TPM1: variants seen among roughly 807,000 people sequenced by gnomAD.
The protein encoded by TPM1 is tropomyosin alpha-1 chain.
In TPM1, 24 loss-of-function variants were observed where a neutral mutation model predicts 42.9. The ratio of observed to expected loss-of-function variants is 0.56; its 90% CI spans 0.41 to 0.79. TPM1 has a LOEUF of 0.79. Ranked by LOEUF, TPM1 falls within the 30% of genes least tolerant of loss-of-function variation. The pLI is 0.00. For missense variants in TPM1, 158 were observed against 351.8 expected, an observed-to-expected ratio of 0.45 and a Z score of 4.41; for synonymous variants, 136 against 130.1, an observed-to-expected ratio of 1.05 and a Z score of -0.31.
In TPM1 at chr15:63,066,002, C is replaced by T; in HGVS notation, c.*103C>T. 1 of 1,562,262 alleles carries T rather than the reference C, an allele frequency of 6.4e-7. No individual in the cohort carries two copies. Among genetic ancestry groups the T allele is most frequent in the Non-Finnish European group, 8.7e-7 (1 of 1,153,356 alleles). ...TCTCCAGCTGACCCTGGTTCTCTCT[C>T]TTAGCATCCTGCCTTAGAGCCAGGC... On this transcript the variant is annotated 3_prime_UTR_variant, in exon 10 of 10. Transcript: ENST00000403994.
chr15:63,059,737 A>AG (rs2035340950), intron 4 of TPM1, 57 bp downstream of exon 4: 1 of 1,272,732 alleles, frequency 7.9e-7, no homozygotes, highest in Non-Finnish European at 1.1e-6. Flanking sequence ...TCAGGAAGCC[A>AG]GGGAGCAATG....
At chr15:63,069,581 A>G (rs933861227), downstream of TPM1, among the ~76,000 whole-genome samples, 2 of 152,214 alleles carry the variant, frequency 1.3e-5, no homozygotes, top group Non-Finnish European at 2.9e-5. Flanking sequence ...GTGAGGTATA[A>G]GAGGAACATT....
intron 2 of TPM1, among the ~76,000 whole-genome samples, chr15:63,052,245 G>A (rs1361648630): frequency 6.6e-6 from 1 of 152,216 alleles, no homozygotes; most frequent in Non-Finnish European, 1.5e-5. Flanking sequence ...TAACTTGGCT[G>A]GGTGCAGTGG....
At chr15:63,061,931 A>G in intron 6 of TPM1, 143 bp downstream of exon 6, 1 of 779,112 alleles carries the variant, frequency 1.3e-6, no homozygotes, top group Non-Finnish European at 2.1e-6. Flanking sequence ...CTAGATAACA[A>G]ATTCTTTTTT....
At chr15:63,050,850 T>C (rs560788143) in intron 2 of TPM1, among the ~76,000 whole-genome samples, 2 of 152,264 alleles carry the variant, frequency 1.3e-5, no homozygotes, top group Non-Finnish European at 2.9e-5. Context: ...CAGTTTCTTT[T>C]GGCAGCAAAG....
chr15:63,057,232 ATTTCCTCT>A, intron 3 of TPM1, 114 bp downstream of exon 3: 1 of 1,408,066 alleles, frequency 7.1e-7, no homozygotes, highest in Non-Finnish European at 9.8e-7. Context: ...TGGTGGGATC[ATTTCCTCT>A]ATTGATCCCA....
At chr15:63,063,887 A>G (rs901920669) in intron 8 of TPM1, 177 bp from the exon 9 acceptor site, 1 of 747,110 alleles carries the variant, frequency 1.3e-6, no homozygotes, top group Non-Finnish European at 2.1e-6. Context: ...GTTTCAATTT[A>G]CTTAAAACAA....
downstream of TPM1, chr15:63,070,432 C>G (rs1473962574): frequency 3.6e-5 from 36 of 994,656 alleles, no homozygotes; most frequent in Non-Finnish European, 4.3e-5. Context: ...CTTTTGAAAA[C>G]AGGAACTCAT....
At chr15:63,069,125 G>T (rs145718564), downstream of TPM1, among the ~76,000 whole-genome samples, 1 of 152,126 alleles carries the variant, frequency 6.6e-6, no homozygotes, top group South Asian at 2.1e-4. Flanking sequence ...TGCACTCCAC[G>T]CTGGGGGACA....
rs987593856 is a variant in TPM1 at position 63,048,463 on chromosome 15, C to G, written c.240+4311C>G. On this transcript the variant is annotated intron_variant, in intron 2 of 9. Coordinates refer to ENST00000403994, the MANE Select transcript of TPM1 (RefSeq NM_001018005.2). The stretch of plus-strand genomic sequence containing the variant: ...GGGCGCCGCCATCGCACAGAGAGGC[C>G]TGGGCGGGGCGGACCGGCGCTGGGC... 3 of 1,383,260 alleles carry G rather than the reference C, an allele frequency of 2.2e-6. No homozygotes were observed. The African/African-American group carries it at 4.6e-5, about 21-fold the overall frequency. 85.7% of individuals were successfully genotyped at this position (1,383,260 alleles called of 1,614,324 possible).
intron 5 of TPM1, chr15:63,061,484 A>T (rs1232965110): frequency 4.2e-6 from 3 of 721,156 alleles, no homozygotes; most frequent in Non-Finnish European, 7.3e-6. Context: ...GAGCCAAATT[A>T]TCGCACTTCA....
At chr15:63,055,318 G>A (rs182175773) in intron 2 of TPM1, among the ~76,000 whole-genome samples, 48 of 152,256 alleles carry the variant, frequency 3.2e-4, no homozygotes, top group Non-Finnish European at 2.1e-4. Flanking sequence ...TGTTTTTATA[G>A]AGTCCTTCAC....
chr15:63,068,222 A>G (rs560200017), downstream of TPM1, among the ~76,000 whole-genome samples: 38 of 152,324 alleles, frequency 2.5e-4, no homozygotes, highest in African/African-American at 8.9e-4. Flanking sequence ...TGGGCTGGAA[A>G]GGCTCTTTGT....
intron 4 of TPM1, 107 bp from the exon 5 acceptor site, chr15:63,060,761 TA>T: frequency 2.5e-6 from 3 of 1,218,664 alleles, no homozygotes; most frequent in Non-Finnish European, 3.6e-6. Context: ...ATATTGTTTG[TA>T]GACAAAACCC....
At chr15:63,047,211 A>G (rs2032566359) in intron 2 of TPM1, 1 of 152,308 alleles carries the variant, frequency 6.6e-6, no homozygotes, top group African/African-American at 2.4e-5. Flanking sequence ...CCAAGCTGGG[A>G]TTTGTGAGAG....
chr15:63,068,435 C>T (rs961296130), downstream of TPM1, among the ~76,000 whole-genome samples: 2 of 152,138 alleles, frequency 1.3e-5, no homozygotes, highest in African/African-American at 4.8e-5. Context: ...ATATTCCAAG[C>T]GAGAAAACAT....
chr15:63,059,476 C>G, intron 3 of TPM1, 87 bp from the exon 4 acceptor site: 1 of 1,072,024 alleles, frequency 9.3e-7, no homozygotes, highest in Non-Finnish European at 1.4e-6. Context: ...ACCACTTACA[C>G]TAAGCCTCAC....
chr15:63,066,732 G>C (rs1195356278), downstream of TPM1, among the ~76,000 whole-genome samples: 1 of 152,192 alleles, frequency 6.6e-6, no homozygotes, highest in East Asian at 1.9e-4. Flanking sequence ...TTTTGATCAT[G>C]AAAATGACAT....
rs1003750873 is a variant in TPM1, at chr15:63,048,340, G to T, written c.240+4188G>T. 8.0e-6 allele frequency: 9 copies of T among 1,129,126 alleles called. No homozygotes were observed. The African/African-American group carries it at 1.5e-4, about 19-fold the overall frequency. 69.9% of individuals were successfully genotyped at this position (1,129,126 alleles called of 1,614,324 possible). On this transcript the variant is annotated intron_variant, in intron 2 of 9. Coordinates refer to ENST00000403994, the MANE Select transcript of TPM1 (RefSeq NM_001018005.2). Reference sequence around the variant, plus strand: ...GCGCAGTGCCCCCAGCCAGTCCCGGGATCCACGGCGCGCGCCCCTCCCAGC... The same window carrying T: ...GCGCAGTGCCCCCAGCCAGTCCCGGTATCCACGGCGCGCGCCCCTCCCAGC...
Sources: allele counts gnomAD v4.1 joint callset (sites outside exome capture counted in the v4.1 genomes callset), GRCh38; gene constraint gnomAD v4.1.1; transcripts MANE v1.5; gene names NCBI Gene and HGNC (gene_info 2026-07-23, HGNC 2026-07-21).